Variants in ZNF217 observed in about 807,000 individuals in gnomAD.
ZNF217 encodes the protein zinc finger protein 217.
In ZNF217, 12 loss-of-function variants were observed where a neutral mutation model predicts 73.3. The ratio of observed to expected loss-of-function variants is 0.16; its 90% confidence interval spans 0.10 to 0.27. ZNF217 has a LOEUF of 0.27. ZNF217 is among the 10% of genes least tolerant of loss of function. The pLI is 1.00. For synonymous variants in ZNF217, 588 were observed against 516.4 expected, an observed-to-expected ratio of 1.14 and a Z score of -1.88; for missense variants, 1,195 against 1,327.8, an observed-to-expected ratio of 0.90 and a Z score of 1.55.
At chr20:53,594,172 T>C (rs1400980842), upstream of ZNF217, among the ~76,000 whole-genome samples, 1 of 147,994 alleles carries the variant, frequency 6.8e-6, no homozygotes, top group Non-Finnish European at 1.5e-5. Context: ...GGGCGCCCCC[T>C]ACTCGTCCGC....
At chr20:53,580,229 G>A (rs922339072) in intron 2 of ZNF217, among the ~76,000 whole-genome samples, 1 of 152,204 alleles carries the variant, frequency 6.6e-6, no homozygotes, top group African/African-American at 2.4e-5. Context: ...AACTGGCACT[G>A]GCTGAAGAGC....
intron 1 of ZNF217, among the ~76,000 whole-genome samples, chr20:53,585,086 T>G (rs1435512650): frequency 9.4e-6 from 1 of 106,158 alleles, no homozygotes; most frequent in Non-Finnish European, 1.8e-5. Flanking sequence ...CAAAGTTCAG[T>G]GAGAATTTGA....
At chr20:53,586,955 T>C (rs1568690882) in intron 1 of ZNF217, among the ~76,000 whole-genome samples, 1 of 152,236 alleles carries the variant, frequency 6.6e-6, no homozygotes, top group Non-Finnish European at 1.5e-5. Context: ...GCTTCTAGCT[T>C]GCAAGAAAGT....
intron 5 of ZNF217, 85 bp from the exon 6 acceptor site, chr20:53,569,349 TA>T (rs1987890364): frequency 9.9e-7 from 1 of 1,008,500 alleles, no homozygotes; most frequent in Non-Finnish European, 1.3e-6. Flanking sequence ...GCGTAATACA[TA>T]GAACCAAACT....
intron 1 of ZNF217, among the ~76,000 whole-genome samples, chr20:53,588,468 A>G (rs1397794094): frequency 1.3e-5 from 2 of 152,018 alleles, no homozygotes; most frequent in Non-Finnish European, 2.9e-5. Flanking sequence ...TAAAAATTTG[A>G]CAGGCCTAAC....
rs781158625 is a variant in ZNF217, at chr20:53,571,821, T to TA, written c.3069dup (p.Asn1024Ter). The TA allele has an allele frequency of 6.2e-7, 1 of 1,613,110 alleles. No individual in the cohort carries two copies. Among genetic ancestry groups the TA allele is most frequent in the Admixed American group, 1.7e-5 (1 of 59,816 alleles). On this transcript the variant is annotated frameshift_variant, in exon 5 of 6. Coordinates refer to ENST00000371471, the MANE Select transcript of ZNF217 (RefSeq NM_006526.3). LOFTEE classifies it high-confidence loss of function. ...TAGTTTCTCTTTTGTGCCATGCTGT[T>TA]AGATAAGTGTTGATATGACACAGGC...
At position 53,568,890 on chromosome 20, in the gene ZNF217, C is replaced by A; in HGVS notation, c.*398G>T. On this transcript the variant is annotated 3_prime_UTR_variant, in exon 6 of 6. Transcript: ENST00000371471. ...AACTTAGATATTTACAGATTTTTACCTGAGGTGCAAGCATTATATACTTTT... is the reference window on the plus strand; with the variant it reads ...AACTTAGATATTTACAGATTTTTACATGAGGTGCAAGCATTATATACTTTT... 1 of 173,342 alleles carries A rather than the reference C, an allele frequency of 5.8e-6. No homozygotes were observed. Among genetic ancestry groups the A allele is most frequent in the Non-Finnish European group, 1.2e-5 (1 of 81,664 alleles). 10.7% of individuals were successfully genotyped at this position (173,342 alleles called of 1,614,324 possible). A position where few individuals can be genotyped will look rare whatever the true frequency, so the allele number is the denominator to read the frequency against.
At chr20:53,593,316 G>C (rs1367938511) in intron 1 of ZNF217, among the ~76,000 whole-genome samples, 1 of 152,138 alleles carries the variant, frequency 6.6e-6, no homozygotes, top group Non-Finnish European at 1.5e-5. Flanking sequence ...CCTTCCCCGG[G>C]CATCGCGGGG....
Position 53,593,543 on chromosome 20 carries a change from G to A in ZNF217, c.-343+213C>T, listed in dbSNP as rs560838403. 4.0e-4 allele frequency among the ~76,000 whole-genome samples: 61 copies of A among 152,036 alleles called. 1 individual carries two copies. The highest frequency in any genetic ancestry group is 5.7e-4 in the Non-Finnish European group (39 of 67,946). On this transcript the variant is annotated intron_variant, in intron 1 of 5. Transcript: ENST00000371471. ...GACGGCCAAGAGCGGATGCAGCCCG[G>A]GATCGCCCGCACCTTCCCGCGGGCG...
Position 53,576,395 on chromosome 20 carries a change from G to A in ZNF217, c.2369C>T (p.Ala790Val), listed in dbSNP as rs367766581. Residue 790 changes from alanine to valine, a missense_variant, in exon 4 of 6, where the codon GCG becomes GTG. Physicochemically the swap from Ala to Val is moderately conservative, Grantham distance 64 (BLOSUM62 0). Around this residue, in one of 9 missense-constraint regions of ZNF217, gnomAD observed 649 missense variants for 642.8 expected, o/e 1.01. Transcript: ENST00000371471. ...FPAQSKSLPSAKGKQSPPGPG... is the reference protein window; with the variant it reads ...FPAQSKSLPSVKGKQSPPGPG... ...CCCAGGAGGGCTCTGCTTCCCCTTC[G>A]CAGATGGCAGGGATTTGGACTGCGC... 2.2e-5 allele frequency: 35 copies of A among 1,614,112 alleles called. No individual in the cohort carries two copies. The highest frequency in any genetic ancestry group is 5.3e-5 in the African/African-American group (4 of 74,932).
At chr20:53,579,118 A>C (rs1988391807) in intron 2 of ZNF217, among the ~76,000 whole-genome samples, 1 of 152,228 alleles carries the variant, frequency 6.6e-6, no homozygotes, top group African/African-American at 2.4e-5. Flanking sequence ...CCCAAATGAC[A>C]GTGTTTGGCT....
In ZNF217 at chr20:53,577,201, A is replaced by G. The variant is rs1328607473; in HGVS notation, c.1563T>C (p.His521=). The G allele has an allele frequency of 2.5e-6, 4 of 1,611,058 alleles. No individual in the cohort carries two copies. The highest frequency in any genetic ancestry group is 3.4e-6 in the Non-Finnish European group (4 of 1,180,030). The change falls in exon 4 of 6, where the codon CAT becomes CAC. Residue 521 remains histidine (H), a synonymous_variant. Coordinates refer to ENST00000371471, the MANE Select transcript of ZNF217 (RefSeq NM_006526.3). ...CAACATCGGTTTGTTTTTCCTTGTG[A>G]TGTCTCTCCAAGTGATACCTCAGAG... ...KTSLRYHLER[H]HKEKQTDVAA... is the part of the protein sequence containing the mutation.
intron 4 of ZNF217, among the ~76,000 whole-genome samples, chr20:53,574,080 A>T (rs1988135136): frequency 6.6e-6 from 1 of 151,978 alleles, no homozygotes; most frequent in Non-Finnish European, 1.5e-5. Flanking sequence ...AAAAAAAAAA[A>T]AAATCATCTC....
intron 4 of ZNF217, 76 bp downstream of exon 4, chr20:53,575,651 T>C: frequency 5.1e-6 from 7 of 1,381,596 alleles, no homozygotes; most frequent in Admixed American, 5.2e-5. Context: ...AGTGGTACCA[T>C]CTCCACTGAG....
Position 53,581,219 on chromosome 20 carries a change from T to C in ZNF217, c.1366+242A>G, listed in dbSNP as rs1988468160. ...AAACGATACACGTTTAAAAAATATA[T>C]ATATATTTTCAGAACAAGGAGACCT... is the stretch of plus-strand genomic sequence containing the variant. On this transcript the variant is annotated intron_variant, in intron 2 of 5. Coordinates refer to ENST00000371471, the MANE Select transcript of ZNF217 (RefSeq NM_006526.3). This position sits in a 1 kb window ranked among gnomAD's most constrained non-coding sequence, Gnocchi z 4.9. Among the ~76,000 whole-genome samples the C allele has an allele frequency of 6.6e-6, 1 of 152,054 alleles. No individual in the cohort carries two copies. Among genetic ancestry groups the C allele is most frequent in the African/African-American group, 2.4e-5 (1 of 41,392 alleles).
intron 1 of ZNF217, among the ~76,000 whole-genome samples, chr20:53,591,415 T>C (rs929318498): frequency 7.9e-5 from 12 of 152,236 alleles, no homozygotes; most frequent in African/African-American, 2.9e-4. Context: ...CGCCAAATCA[T>C]TAAAATTCCA....
Position 53,576,680 on chromosome 20 carries a change from T to C in ZNF217, c.2084A>G (p.His695Arg), listed in dbSNP as rs200865401. ...ACTCAAAGAAATTGCCGGGCAATTG[T>C]GAAGAGCCCCCACGGATAAATTTAA... ...KPLNLSVGAL[H>R]NCPAISLSKS... Residue 695 changes from histidine (H) to arginine (R), a missense_variant, in exon 4 of 6, where the codon CAC (histidine) becomes CGC (arginine). Coordinates refer to ENST00000371471, the MANE Select transcript of ZNF217 (RefSeq NM_006526.3). The C allele has an allele frequency of 8.1e-6, 13 of 1,614,242 alleles. No individual in the cohort carries two copies. Among genetic ancestry groups the C allele is most frequent in the Non-Finnish European group, 1.0e-5 (12 of 1,180,046 alleles).
chr20:53,574,156 AG>A (rs1230439854), intron 4 of ZNF217, among the ~76,000 whole-genome samples: 1 of 152,184 alleles, frequency 6.6e-6, no homozygotes, highest in South Asian at 2.1e-4. Context: ...TGTATTATCT[AG>A]GGAATTACGA....
rs551133094 is a variant in ZNF217, at chr20:53,590,930, C to T, written c.-343+2826G>A. Among the ~76,000 whole-genome samples, 137 of 152,236 alleles carry T rather than the reference C, an allele frequency of 9.0e-4. 1 individual carries two copies. Among genetic ancestry groups the T allele is most frequent in the African/African-American group, 3.0e-3 (125 of 41,518 alleles). ...GGAAGGGGATTAGGGGCTCCTACTC[C>T]TCCCTGAAGTTTTCCTGCCAAAAAT... On this transcript the variant is annotated intron_variant, in intron 1 of 5. Transcript: ENST00000371471.
Sources: gnomAD v4.1 joint callset for allele counts (sites outside exome capture counted in the v4.1 genomes callset) on GRCh38, gnomAD v4.1.1 for gene constraint, gnomAD v4.1.1 regional missense constraint, Gnocchi (gnomAD v3.1) non-coding constraint, MANE v1.5 for transcripts, NCBI Gene and HGNC (gene_info 2026-07-23, HGNC 2026-07-21) for gene names.